Variants in PTGES observed in about 807,000 individuals in gnomAD.
PTGES encodes the protein MGST1-like 1.
In PTGES, 3 loss-of-function variants were observed where a neutral mutation model predicts 11.8. The observed-to-expected ratio is 0.25, with a 90% confidence interval of 0.12 to 0.66. The LOEUF is 0.66. PTGES is among the 30% of genes least tolerant of loss of function. The pLI is 0.82. For synonymous variants in PTGES, 94 were observed against 90.4 expected (o/e 1.04, Z -0.22); for missense variants, 180 against 213.0 (o/e 0.85, Z 0.96).
intron 1 of PTGES, 102 bp from the exon 2 acceptor site, chr9:129,748,839 G>A: frequency 1.0e-6 from 1 of 962,564 alleles, no homozygotes; most frequent in Non-Finnish European, 1.5e-6. Context: ...CAGGACAGAG[G>A]TGCAGTTGCA....
intron 1 of PTGES, among the ~76,000 whole-genome samples, chr9:129,751,403 G>A (rs1833106393): frequency 6.6e-6 from 1 of 151,646 alleles, no homozygotes; most frequent in Non-Finnish European, 1.5e-5. Flanking sequence ...CCTCAGCCAG[G>A]TGCGGTGGCT....
rs201949041 is a variant in PTGES at position 129,752,951 on chromosome 9, G to A, written c.62C>T (p.Thr21Met). ...PALPAFLLCS[T>M]LLVIKMYVVA... ...CACGTACATCTTGATGACCAGCAGC[G>A]TGCTGCAGAGCAGGAAGGCCGGGAG... Residue 21 changes from threonine to methionine, a missense_variant, in exon 1 of 3, where the codon ACG becomes ATG. By Grantham distance (81) the Thr-to-Met change is moderately conservative. Transcript: ENST00000340607. 1.2e-5 allele frequency: 20 copies of A among 1,612,792 alleles called. No individual in the cohort carries two copies. The highest frequency in any genetic ancestry group is 5.5e-5 in the South Asian group (5 of 91,096).
At chr9:129,741,871 C>T (rs529722194) in intron 2 of PTGES, among the ~76,000 whole-genome samples, 1 of 151,866 alleles carries the variant, frequency 6.6e-6, no homozygotes, top group Admixed American at 6.6e-5. Flanking sequence ...TGCCATTGTA[C>T]TCCAGCCTGG....
intron 2 of PTGES, among the ~76,000 whole-genome samples, chr9:129,742,557 C>T (rs376445311): frequency 1.3e-5 from 2 of 152,220 alleles, no homozygotes; most frequent in South Asian, 2.1e-4. Flanking sequence ...TCAGGAAAAG[C>T]ACAACCAGCA....
At chr9:129,744,507 C>T (rs1403234714) in intron 2 of PTGES, among the ~76,000 whole-genome samples, 1 of 139,992 alleles carries the variant, frequency 7.1e-6, no homozygotes, top group East Asian at 2.1e-4. Context: ...CCCAGGAGGT[C>T]AAGGCATCAG....
At chr9:129,740,221 G>A (rs1198057488) in intron 2 of PTGES, among the ~76,000 whole-genome samples, 4 of 152,106 alleles carry the variant, frequency 2.6e-5, no homozygotes, top group African/African-American at 9.7e-5. Flanking sequence ...GGAAAAGTGG[G>A]ACTCAGAGGT....
chr9:129,751,560 T>G (rs1158252632), intron 1 of PTGES, among the ~76,000 whole-genome samples: 1 of 151,824 alleles, frequency 6.6e-6, no homozygotes, highest in East Asian at 1.9e-4. Context: ...GTGTCTGTAA[T>G]GCCAGCTACC....
chr9:129,748,697 G>C lies in PTGES; in HGVS notation c.167C>G (p.Pro56Arg), dbSNP rs1193989878. 6.3e-7 allele frequency: 1 copy of C among 1,587,312 alleles called. No individual in the cohort carries two copies. Among genetic ancestry groups the C allele is most frequent in the East Asian group, 2.4e-5 (1 of 42,424 alleles). The change falls in exon 2 of 3, where the codon CCC (proline) becomes CGC (arginine). Residue 56 changes from proline to arginine, a missense_variant. Coordinates refer to ENST00000340607, the MANE Select transcript of PTGES (RefSeq NM_004878.5). ...GTCGGGGTCGCTCCTGCAATACTGG[G>C]GGCCTCCGTGTCTCAGGGCATCCTC... ...NPEDALRHGG[P>R]QYCRSDPDVE...
chr9:129,738,410 AACACAC>A lies in PTGES; in HGVS notation c.*1195_*1200del, dbSNP rs71385459. 7,748 of 138,100 alleles carry A rather than the reference AACACAC, an allele frequency of 0.056. 230 individuals carry two copies. Among genetic ancestry groups the A allele is most frequent in the Non-Finnish European group, 0.071 (4,556 of 63,792 alleles). 8.6% of individuals were successfully genotyped at this position (138,100 alleles called of 1,614,324 possible). On this transcript the variant is annotated 3_prime_UTR_variant, in exon 3 of 3. Transcript: ENST00000340607. This position sits in a 1 kb window ranked among gnomAD's most constrained non-coding sequence, Gnocchi z 4.2. ...ATCTCAGGTCACGGGTCTAGGAGAA[AACACAC>A]ACACACACACACACACACACACACA...
chr9:129,745,182 C>T lies in PTGES; in HGVS notation c.209+3473G>A, dbSNP rs1281936488. On this transcript the variant is annotated intron_variant, in intron 2 of 2. Transcript: ENST00000340607. This position sits in a 1 kb window ranked among gnomAD's most constrained non-coding sequence, Gnocchi z 4.2. The stretch of plus-strand genomic sequence containing the variant: ...CGTTTGCCTCTCTTCTTTGGGACCA[C>T]ACAGGTAACCCCTCCGTGCAGTTCC... 6.6e-6 allele frequency among the ~76,000 whole-genome samples: 1 copy of T among 152,192 alleles called. No homozygotes were observed. The highest frequency in any genetic ancestry group is 1.5e-5 in the Non-Finnish European group (1 of 68,042).
intron 1 of PTGES, 67 bp downstream of exon 1, chr9:129,752,820 C>T: frequency 6.2e-7 from 1 of 1,611,490 alleles, no homozygotes; most frequent in Non-Finnish European, 8.5e-7. Flanking sequence ...TATCCCGGGG[C>T]TTTCCTGACA....
In PTGES at chr9:129,748,633, G is replaced by A. The variant is rs45460296; in HGVS notation, c.209+22C>T. The A allele has an allele frequency of 4.5e-3, 6,943 of 1,553,438 alleles. 249 individuals are homozygous for A. In the African/African-American group the frequency reaches 0.08, roughly 18 times the overall value. ...GCAGGCCATGGCCAGGTGTGGCCAG[G>A]CCAGGGGCCCGAAGTACTTGCCTGA... On this transcript the variant is annotated intron_variant, in intron 2 of 2. Coordinates refer to ENST00000340607, the MANE Select transcript of PTGES (RefSeq NM_004878.5).
At chr9:129,751,592 T>G (rs758853725) in intron 1 of PTGES, among the ~76,000 whole-genome samples, 1 of 151,890 alleles carries the variant, frequency 6.6e-6, no homozygotes, top group Non-Finnish European at 1.5e-5. Context: ...GGCAGTAGAA[T>G]TGCTTGAACC....
At position 129,739,840 on chromosome 9, in the gene PTGES, T is replaced by C; in HGVS notation, c.230A>G (p.Glu77Gly). ...RCLRAHRNDMETIYPFLFLGF... is the reference protein window; with the variant it reads ...RCLRAHRNDMGTIYPFLFLGF... Reference sequence around the variant, plus strand: ...CAGGAAAAGGAAGGGGTAGATGGTCTCCATGTCGTTCCGGTGGGCCCTGGG... The same window carrying C: ...CAGGAAAAGGAAGGGGTAGATGGTCCCCATGTCGTTCCGGTGGGCCCTGGG... The change falls in exon 3 of 3, where the codon GAG becomes GGG. Residue 77 changes from glutamate to glycine, a missense_variant. Coordinates refer to ENST00000340607, the MANE Select transcript of PTGES (RefSeq NM_004878.5). This position sits in a 1 kb window ranked among gnomAD's most constrained non-coding sequence, Gnocchi z 5.7. 6.4e-7 allele frequency: 1 copy of C among 1,568,690 alleles called. No individual in the cohort carries two copies. The highest frequency in any genetic ancestry group is 8.6e-7 in the Non-Finnish European group (1 of 1,156,418).
chr9:129,750,724 G>A (rs1833094595), intron 1 of PTGES, among the ~76,000 whole-genome samples: 1 of 152,182 alleles, frequency 6.6e-6, no homozygotes, highest in South Asian at 2.1e-4. Flanking sequence ...ACAAACATTG[G>A]TGGGGCGTTG....
chr9:129,744,197 AGCCCTG>A (rs1833028203), intron 2 of PTGES, among the ~76,000 whole-genome samples: 1 of 152,116 alleles, frequency 6.6e-6, no homozygotes, highest in Admixed American at 6.6e-5. Context: ...CGCCATCACC[AGCCCTG>A]TCCTGGACAC....
At chr9:129,748,612 G>T (rs202169579) in intron 2 of PTGES, 43 bp downstream of exon 2, 3 of 1,471,354 alleles carry the variant, frequency 2.0e-6, no homozygotes, top group Non-Finnish European at 2.7e-6. Context: ...GAAAGGGCAG[G>T]CCATGGCCAG....
rs1020073072 is a variant in PTGES, at chr9:129,745,989, G to A, written c.209+2666C>T. Among the ~76,000 whole-genome samples, 15 of 151,570 alleles carry A rather than the reference G, an allele frequency of 9.9e-5. No individual in the cohort carries two copies. The highest frequency in any genetic ancestry group is 1.9e-4 in the Non-Finnish European group (13 of 67,964). The stretch of plus-strand genomic sequence containing the variant: ...GCAGAGGTTGCAGAGAGCCGAGATC[G>A]TGCCATTGCATTTCAGCCTGGGGGA... On this transcript the variant is annotated intron_variant, in intron 2 of 2. Transcript: ENST00000340607. The surrounding 1 kb of genome is among the most constrained non-coding windows in gnomAD (Gnocchi z 4.2).
chr9:129,749,521 C>T (rs1359102163), intron 1 of PTGES: 1 of 152,132 alleles, frequency 6.6e-6, no homozygotes. Flanking sequence ...TGATACACAC[C>T]TGTGGTCCCA....
Sources: gnomAD v4.1 joint callset for allele counts (sites outside exome capture counted in the v4.1 genomes callset) on GRCh38, gnomAD v4.1.1 for gene constraint, Gnocchi (gnomAD v3.1) non-coding constraint, MANE v1.5 for transcripts, NCBI Gene and HGNC (gene_info 2026-07-23, HGNC 2026-07-21) for gene names.